Variants in LHFPL3 observed in about 807,000 individuals in gnomAD.
LHFPL3 encodes LHFPL tetraspan subfamily member 3 protein.
Under a neutral mutation model 19.3 loss-of-function variants are expected in LHFPL3, and 5 were observed. The observed-to-expected ratio is 0.26, with a 90% confidence interval of 0.14 to 0.54. The LOEUF is 0.54. Ranked by LOEUF, LHFPL3 falls within the 20% of genes least tolerant of loss-of-function variation. The probability of loss-of-function intolerance (pLI) is 0.94; values close to 1 mark genes in which losing one functional copy is unlikely to be tolerated. For synonymous variants in LHFPL3, 133 were observed against 126.2 expected (o/e 1.05, Z -0.36); for missense variants, 249 against 307.4 (o/e 0.81, Z 1.42).
At chr7:104,394,354 C>G (rs1791140927) in intron 1 of LHFPL3, among the ~76,000 whole-genome samples, 1 of 152,086 alleles carries the variant, frequency 6.6e-6, no homozygotes. Flanking sequence ...GAAAAGATAA[C>G]CTCAGAAATA....
chr7:104,458,258 T>G (rs1322519412), intron 1 of LHFPL3, among the ~76,000 whole-genome samples: 3 of 152,320 alleles, frequency 2.0e-5, no homozygotes, highest in East Asian at 1.9e-4. Flanking sequence ...GGTCTAACGT[T>G]TAAGTCTTTA....
intron 2 of LHFPL3, among the ~76,000 whole-genome samples, chr7:104,880,143 G>A (rs563847523): frequency 6.6e-6 from 1 of 152,258 alleles, no homozygotes; most frequent in East Asian, 1.9e-4. Flanking sequence ...GTTGGAGGTG[G>A]GGCCTTAGTG....
At chr7:104,726,373 C>T (rs759248199) in intron 1 of LHFPL3, among the ~76,000 whole-genome samples, 1 of 151,470 alleles carries the variant, frequency 6.6e-6, no homozygotes, top group Non-Finnish European at 1.5e-5. Flanking sequence ...GCAGGATGTG[C>T]AGGTTTCTTA....
chr7:104,348,324 A>G (rs773332610), intron 1 of LHFPL3, among the ~76,000 whole-genome samples: 3 of 152,226 alleles, frequency 2.0e-5, no homozygotes, highest in Non-Finnish European at 4.4e-5. Context: ...CGGAGCTTGC[A>G]GTGAGCCGAG....
chr7:104,603,110 CTTT>C (rs1562947482), intron 1 of LHFPL3, among the ~76,000 whole-genome samples: 14 of 130,866 alleles, frequency 1.1e-4, no homozygotes, highest in African/African-American at 4.1e-4. Flanking sequence ...TTCTTTCTTT[CTTT>C]CTTTCTTTCT....
intron 1 of LHFPL3, among the ~76,000 whole-genome samples, chr7:104,665,327 G>T (rs1792311070): frequency 6.6e-6 from 1 of 152,212 alleles, no homozygotes; most frequent in East Asian, 1.9e-4. Flanking sequence ...CATGAAGACA[G>T]TATATTGAAT....
intron 1 of LHFPL3, among the ~76,000 whole-genome samples, chr7:104,415,725 T>C (rs1420629205): frequency 1.3e-5 from 2 of 152,220 alleles, no homozygotes; most frequent in African/African-American, 2.4e-5. Context: ...TAAATAGTTA[T>C]ATAGCATTCT....
chr7:104,376,165 G>C (rs1366965845), intron 1 of LHFPL3, among the ~76,000 whole-genome samples: 1 of 152,206 alleles, frequency 6.6e-6, no homozygotes, highest in East Asian at 1.9e-4. Context: ...AAGATGCAAG[G>C]TTAGCACAAA....
At chr7:104,889,272 A>T (rs1792203766) in intron 2 of LHFPL3, among the ~76,000 whole-genome samples, 1 of 152,222 alleles carries the variant, frequency 6.6e-6, no homozygotes, top group African/African-American at 2.4e-5. Context: ...AAGACCGGGT[A>T]TGAGAAGGGA....
At chr7:104,442,181 G>T (rs1019995216) in intron 1 of LHFPL3, among the ~76,000 whole-genome samples, 1 of 151,372 alleles carries the variant, frequency 6.6e-6, no homozygotes, top group Non-Finnish European at 1.5e-5. Context: ...ATATATATTG[G>T]CCATTCATAT....
chr7:104,457,935 A>G (rs57866688), intron 1 of LHFPL3, among the ~76,000 whole-genome samples: 38 of 142,426 alleles, frequency 2.7e-4, no homozygotes, highest in African/African-American at 9.0e-4. Flanking sequence ...GTCTGTTCAT[A>G]TCCTTCACCC....
intron 1 of LHFPL3, among the ~76,000 whole-genome samples, chr7:104,428,075 A>G (rs917255755): frequency 1.3e-5 from 2 of 152,226 alleles, no homozygotes; most frequent in African/African-American, 4.8e-5. Context: ...GTAACATTTC[A>G]CCTTGCTCAC....
intron 1 of LHFPL3, among the ~76,000 whole-genome samples, chr7:104,331,530 AG>A (rs1801566851): frequency 1.9e-5 from 2 of 102,870 alleles, no homozygotes; most frequent in African/African-American, 1.1e-4. Context: ...CAGATTTTTA[AG>A]GAATAACATA....
chr7:104,698,508 A>G (rs889262792), intron 1 of LHFPL3, among the ~76,000 whole-genome samples: 2 of 152,226 alleles, frequency 1.3e-5, no homozygotes, highest in African/African-American at 4.8e-5. Context: ...ATCAAACGGC[A>G]CTGTCAACAA....
intron 1 of LHFPL3, among the ~76,000 whole-genome samples, chr7:104,687,955 A>C (rs1792836699): frequency 6.6e-6 from 1 of 152,238 alleles, no homozygotes; most frequent in Admixed American, 6.5e-5. Context: ...ATTGTGAACT[A>C]AGTTCCTAAT....
intron 1 of LHFPL3, among the ~76,000 whole-genome samples, chr7:104,588,591 G>T (rs1480739096): frequency 6.6e-6 from 1 of 152,162 alleles, no homozygotes; most frequent in Non-Finnish European, 1.5e-5. Flanking sequence ...GATTGACTTG[G>T]CAATGCAGGC....
chr7:104,777,120 T>C (rs12672558), intron 2 of LHFPL3, among the ~76,000 whole-genome samples: 45,635 of 151,862 alleles, frequency 0.3, 7,151 homozygotes, highest in South Asian at 0.39. Flanking sequence ...GTATAGCCCA[T>C]AGATTATTAT....
At chr7:104,831,275 A>G (rs967951970) in intron 2 of LHFPL3, among the ~76,000 whole-genome samples, 3 of 151,944 alleles carry the variant, frequency 2.0e-5, no homozygotes, top group Non-Finnish European at 2.9e-5. Context: ...AACCAGAGAG[A>G]GTTTTGATTA....
intron 1 of LHFPL3, among the ~76,000 whole-genome samples, chr7:104,634,061 C>T (rs1169057640): frequency 6.6e-6 from 1 of 152,186 alleles, no homozygotes; most frequent in Admixed American, 6.5e-5. Flanking sequence ...TTATTCTAAA[C>T]TTTTATGGTA....
Sources: gnomAD v4.1 joint callset for allele counts (sites outside exome capture counted in the v4.1 genomes callset) on GRCh38, gnomAD v4.1.1 for gene constraint, MANE v1.5 for transcripts, NCBI Gene and HGNC (gene_info 2026-07-23, HGNC 2026-07-21) for gene names.